PCDHA3: variants seen among roughly 807,000 people sequenced by gnomAD.
PCDHA3 encodes the protein protocadherin alpha-3.
A neutral mutation model predicts 62.2 loss-of-function variants in PCDHA3; 41 were observed. The observed-to-expected ratio is 0.66, with a 90% CI of 0.51 to 0.86. PCDHA3 has a LOEUF of 0.86. Among genes scored for constraint, PCDHA3 ranks in the 40% least tolerant of loss-of-function variants. The pLI is 0.00. For synonymous variants in PCDHA3, 640 were observed against 555.4 expected (o/e 1.15, Z -2.14); for missense variants, 1,304 against 1,241.2 (o/e 1.05, Z -0.76).
chr5:140,875,654 C>A lies in PCDHA3; in HGVS notation c.2394+72063C>A, dbSNP rs781924559. The stretch of plus-strand genomic sequence containing the variant: ...GGGCTGGAGCTGGCGGAGCTGGTGC[C>A]GCGCCTGTTCCGGGTGGCGTCCAAA... On this transcript the variant is annotated intron_variant, in intron 1 of 3. Transcript: ENST00000522353. 54 of 1,613,584 alleles carry A rather than the reference C, an allele frequency of 3.3e-5. No homozygotes were observed. Among genetic ancestry groups the A allele is most frequent in the African/African-American group, 1.3e-4 (10 of 74,926 alleles).
chr5:140,888,586 C>T (rs1408191600), intron 1 of PCDHA3, among the ~76,000 whole-genome samples: 1 of 152,154 alleles, frequency 6.6e-6, no homozygotes, highest in East Asian at 1.9e-4. Flanking sequence ...TTTGTTAGTA[C>T]ACATTCAGAG....
chr5:140,801,963 C>A lies in PCDHA3; in HGVS notation c.766C>A (p.Pro256Thr), dbSNP rs17844252. 99 of 1,614,154 alleles carry A rather than the reference C, an allele frequency of 6.1e-5. 1 individual carries two copies. In the East Asian group the frequency reaches 1.5e-3, roughly 25 times the overall value. The stretch of plus-strand genomic sequence containing the variant: ...TAAAGTCAGATTACTCGAAAATGCA[C>A]CAAATGGTACCCTAGTGGTGACCGT... Reference protein sequence around the residue: ...IYKVRLLENAPNGTLVVTVNA... With the variant: ...IYKVRLLENATNGTLVVTVNA... The change falls in exon 1 of 4, where the codon CCA becomes ACA. Residue 256 changes from proline to threonine, a missense_variant. Coordinates refer to ENST00000522353, the MANE Select transcript of PCDHA3 (RefSeq NM_018906.3).
At chr5:140,891,410 A>G (rs1381375342) in intron 1 of PCDHA3, among the ~76,000 whole-genome samples, 1 of 130,438 alleles carries the variant, frequency 7.7e-6, no homozygotes, top group East Asian at 2.5e-4. Context: ...GCCACCCCCC[A>G]CTCTTGCCCC....
chr5:140,850,875 G>A lies in PCDHA3; in HGVS notation c.2394+47284G>A, dbSNP rs201934627. 18 of 1,590,472 alleles carry A rather than the reference G, an allele frequency of 1.1e-5. 3 individuals carry two copies. The highest frequency in any genetic ancestry group is 1.5e-5 in the Non-Finnish European group (18 of 1,162,510). ...AACGGGAGAACCCTCTGCTTCCTCAGATTCAACTGGGAAGGTGGGTTTTTC... is the reference window on the plus strand; with the variant it reads ...AACGGGAGAACCCTCTGCTTCCTCAAATTCAACTGGGAAGGTGGGTTTTTC... On this transcript the variant is annotated intron_variant, in intron 1 of 3. Transcript: ENST00000522353.
At chr5:140,843,915 T>C in intron 1 of PCDHA3, 1 of 619,744 alleles carries the variant, frequency 1.6e-6, no homozygotes, top group East Asian at 2.9e-5. Flanking sequence ...GTTGGGTCTA[T>C]CTTGAAACTC....
At chr5:140,870,720 G>T (rs544150374) in intron 1 of PCDHA3, 8 of 1,613,202 alleles carry the variant, frequency 5.0e-6, no homozygotes, top group Non-Finnish European at 6.8e-6. Flanking sequence ...CGCGCGATGC[G>T]GGCGTGCCGC....
At chr5:140,837,512 T>G (rs1554136488) in intron 1 of PCDHA3, among the ~76,000 whole-genome samples, 2 of 96,740 alleles carry the variant, frequency 2.1e-5, no homozygotes, top group African/African-American at 1.1e-4. Context: ...TCTGAAGCAG[T>G]TTACTTTTTT....
intron 1 of PCDHA3, chr5:140,836,570 G>C: frequency 1.2e-6 from 2 of 1,613,682 alleles, no homozygotes; most frequent in East Asian, 2.2e-5. Context: ...CGTCCTCTGA[G>C]GGCGCATGTA....
At chr5:140,928,691 T>C (rs1554206164) in intron 1 of PCDHA3, 1 of 1,614,148 alleles carries the variant, frequency 6.2e-7, no homozygotes, top group East Asian at 2.2e-5. Context: ...TCCTACCACA[T>C]CTCCCGGGCG....
At chr5:140,850,264 T>A in intron 1 of PCDHA3, 1 of 1,594,136 alleles carries the variant, frequency 6.3e-7, no homozygotes, top group Non-Finnish European at 8.6e-7. Flanking sequence ...GCCGGCGTAG[T>A]GGTGGGGAAG....
At chr5:140,877,189 G>T (rs370743077) in intron 1 of PCDHA3, 3 of 1,613,808 alleles carry the variant, frequency 1.9e-6, no homozygotes, top group Admixed American at 1.7e-5. Context: ...GGCTGGCAGC[G>T]CAGGAGGCGC....
intron 1 of PCDHA3, chr5:140,809,760 T>C: frequency 1.6e-6 from 1 of 608,668 alleles, no homozygotes; most frequent in Non-Finnish European, 2.8e-6. Flanking sequence ...CTTCATTTTA[T>C]GCTGCATTAT....
rs1318290193 is a variant in PCDHA3, at chr5:140,849,912, C to G, written c.2394+46321C>G. ...GAAGGAGAACAACCCGCCGGGCTGCCACATCTTCACGGTGTCTGCGCGGGA... is the reference window on the plus strand; with the variant it reads ...GAAGGAGAACAACCCGCCGGGCTGCGACATCTTCACGGTGTCTGCGCGGGA... On this transcript the variant is annotated intron_variant, in intron 1 of 3. Coordinates refer to ENST00000522353, the MANE Select transcript of PCDHA3 (RefSeq NM_018906.3). 51 of 1,598,266 alleles carry G rather than the reference C, an allele frequency of 3.2e-5. 3 individuals are homozygous for G. The highest frequency in any genetic ancestry group is 4.2e-5 in the Non-Finnish European group (49 of 1,167,792).
intron 1 of PCDHA3, chr5:140,824,610 G>GGTTTTTTTTTT (rs1768189767): frequency 1.1e-5 from 1 of 95,104 alleles, no homozygotes; most frequent in African/African-American, 4.9e-5. Context: ...GCTAATTAAA[G>GGTTTTTTTTTT]TTTTTTTTTT....
At chr5:140,885,124 T>C (rs1019759458) in intron 1 of PCDHA3, among the ~76,000 whole-genome samples, 35 of 152,216 alleles carry the variant, frequency 2.3e-4, no homozygotes, top group African/African-American at 8.2e-4. Flanking sequence ...TGCACTTTTC[T>C]TTCTTTCTTT....
chr5:140,888,628 T>C (rs2061913275), intron 1 of PCDHA3, among the ~76,000 whole-genome samples: 1 of 152,242 alleles, frequency 6.6e-6, no homozygotes, highest in Admixed American at 6.5e-5. Flanking sequence ...TTCGGCCTTC[T>C]ATTACAGCAA....
intron 1 of PCDHA3, among the ~76,000 whole-genome samples, chr5:140,905,945 T>C (rs2072222090): frequency 6.6e-6 from 1 of 152,150 alleles, no homozygotes; most frequent in Non-Finnish European, 1.5e-5. Flanking sequence ...GAACTTGGAA[T>C]CCGATGTTCA....
intron 1 of PCDHA3, among the ~76,000 whole-genome samples, chr5:140,904,640 C>T (rs1484010152): frequency 6.6e-6 from 1 of 152,046 alleles, no homozygotes; most frequent in Non-Finnish European, 1.5e-5. Flanking sequence ...GGAATCTCCA[C>T]ACTGTTTTCC....
At chr5:140,811,652 C>G (rs1764929730) in intron 1 of PCDHA3, 1 of 152,216 alleles carries the variant, frequency 6.6e-6, no homozygotes, top group Non-Finnish European at 1.5e-5. Context: ...CACATCCTCT[C>G]CAGCATGTGT....
Sources: gnomAD v4.1 joint callset for allele counts (sites outside exome capture counted in the v4.1 genomes callset) on GRCh38, gnomAD v4.1.1 for gene constraint, MANE v1.5 for transcripts, NCBI Gene and HGNC (gene_info 2026-07-23, HGNC 2026-07-21) for gene names.